The following TMEM35A variants were observed in gnomAD, a reference collection of about 807,000 sequenced individuals.
The protein encoded by TMEM35A is transmembrane protein 35A, also known as nicotinic acetylcholine receptor chaperone.
For missense variants in TMEM35A, 83 were observed against 132.7 expected, an observed-to-expected ratio of 0.63 and a Z score of 1.84; for synonymous variants, 50 against 54.7, an observed-to-expected ratio of 0.91 and a Z score of 0.38.
intron 1 of TMEM35A, among the ~76,000 whole-genome samples, chrX:101,088,711 G>A (rs1183938281): frequency 9.0e-6 from 1 of 111,335 alleles, no homozygotes; most frequent in African/African-American, 3.3e-5. Flanking sequence ...TTCGAGAAGA[G>A]CCTGGCCAAC....
At position 101,094,969 on chromosome X, in the gene TMEM35A, G is replaced by A; in HGVS notation, c.*13G>A. The A allele has an allele frequency of 1.7e-6, 2 of 1,162,906 alleles. No homozygotes were observed. Among genetic ancestry groups the A allele is most frequent in the Non-Finnish European group, 2.3e-6 (2 of 876,280 alleles). On this transcript the variant is annotated 3_prime_UTR_variant, in exon 2 of 2. Transcript: ENST00000372930. Reference sequence around the variant, plus strand: ...GAAGGTGTCATAGAAAAGTGGAAGTGCAAAGAGTGGACCTTCCAGGCAGTT... The same window carrying A: ...GAAGGTGTCATAGAAAAGTGGAAGTACAAAGAGTGGACCTTCCAGGCAGTT...
chrX:101,090,512 T>C lies in TMEM35A; in HGVS notation c.121-4061T>C, dbSNP rs1027591787. On this transcript the variant is annotated intron_variant, in intron 1 of 1. Transcript: ENST00000372930. ...TGTCTGTCATGCATTTTTTTCCCAC[T>C]GTATATACCCTCCCTGGGCATACTA... Among the ~76,000 whole-genome samples the C allele has an allele frequency of 3.7e-5, 4 of 109,464 alleles. No homozygotes were observed. The East Asian group carries it at 1.1e-3, about 31-fold the overall frequency.
chrX:101,088,338 G>A (rs923871445), intron 1 of TMEM35A, among the ~76,000 whole-genome samples: 8 of 112,928 alleles, frequency 7.1e-5, no homozygotes, highest in South Asian at 3.6e-4. Flanking sequence ...CTGGGCAACC[G>A]TGGTGGCTCA....
At position 101,093,389 on chromosome X, in the gene TMEM35A, C is replaced by T. The variant is rs1166708528; in HGVS notation, c.121-1184C>T. ...AGCGCAGTGGCACGATCTTGGCTCA[C>T]TGCAACTTCTGCCTCCTGGGTTCAA... On this transcript the variant is annotated intron_variant, in intron 1 of 1. Transcript: ENST00000372930. Among the ~76,000 whole-genome samples the T allele has an allele frequency of 2.7e-5, 3 of 111,038 alleles. No individual in the cohort carries two copies. In the South Asian group the frequency reaches 1.1e-3, roughly 42 times the overall value.
intron 1 of TMEM35A, among the ~76,000 whole-genome samples, chrX:101,088,069 G>A (rs187547677): frequency 1.3e-4 from 14 of 109,632 alleles, no homozygotes; most frequent in South Asian, 8.0e-4. Flanking sequence ...ATGGTGGTGC[G>A]CGCCTGTAGT....
At chrX:101,083,953 C>T (rs1202534489) in intron 1 of TMEM35A, among the ~76,000 whole-genome samples, 4 of 110,304 alleles carry the variant, frequency 3.6e-5, no homozygotes, top group Non-Finnish European at 5.7e-5. Context: ...GTGGGCATTA[C>T]ATGACAGTGG....
chrX:101,089,804 G>A (rs1482108327), intron 1 of TMEM35A, among the ~76,000 whole-genome samples: 2 of 108,842 alleles, frequency 1.8e-5, no homozygotes, highest in East Asian at 2.9e-4. Context: ...GGGATTTGAC[G>A]CTAAGTCTGT....
At chrX:101,085,385 G>A (rs1419484989) in intron 1 of TMEM35A, among the ~76,000 whole-genome samples, 1 of 111,362 alleles carries the variant, frequency 9.0e-6, no homozygotes, top group South Asian at 3.8e-4. Context: ...CCGATCACCT[G>A]AGGCCAGGAG....
intron 1 of TMEM35A, among the ~76,000 whole-genome samples, chrX:101,088,663 T>C (rs1011525008): frequency 9.0e-6 from 1 of 111,561 alleles, no homozygotes; most frequent in African/African-American, 3.3e-5. Context: ...CCTAACACTT[T>C]GGGAGACCGA....
At position 101,095,204 on chromosome X, in the gene TMEM35A, C is replaced by T; in HGVS notation, c.*248C>T. ...TCTTGCTGCATGTACATGTATACGG[C>T]TACTATTGAAGTGTAATTGTGAGAT... is the stretch of plus-strand genomic sequence containing the variant. On this transcript the variant is annotated 3_prime_UTR_variant, in exon 2 of 2. Coordinates refer to ENST00000372930, the MANE Select transcript of TMEM35A (RefSeq NM_021637.3). 5.7e-6 allele frequency: 2 copies of T among 352,175 alleles called. No homozygotes were observed. The highest frequency in any genetic ancestry group is 9.7e-6 in the Non-Finnish European group (2 of 205,172). 29.0% of individuals were successfully genotyped at this position (352,175 alleles called of 1,213,427 possible). A position where few individuals can be genotyped will look rare whatever the true frequency, so the allele number is the denominator to read the frequency against.
In TMEM35A at chrX:101,094,576, C is replaced by T. The variant is rs1415026274; in HGVS notation, c.124C>T (p.Arg42Cys). The change falls in exon 2 of 2, where the codon CGT (arginine) becomes TGT (cysteine). Residue 42 changes from arginine to cysteine, a missense_variant. Physicochemically the swap from Arg to Cys is radical, Grantham distance 180. Transcript: ENST00000372930. ...CCTTACAATATTCTCACTCTAGAAA[C>T]GTGCTTACAAGAGCTATGTTCGAGC... The part of the protein sequence containing the change: ...LSKDAYSEMK[R>C]AYKSYVRALP... The T allele has an allele frequency of 2.5e-6, 3 of 1,196,647 alleles. No homozygotes were observed. The highest frequency in any genetic ancestry group is 2.3e-4 in the Middle Eastern group (1 of 4,276).
At chrX:101,094,018 T>G in intron 1 of TMEM35A, among the ~76,000 whole-genome samples, 1 of 112,303 alleles carries the variant, frequency 8.9e-6, no homozygotes, top group South Asian at 3.7e-4. Context: ...TTGGGGGTTA[T>G]GATTTCAACA....
chrX:101,079,886 T>C (rs921566026), intron 1 of TMEM35A, among the ~76,000 whole-genome samples: 1 of 112,043 alleles, frequency 8.9e-6, no homozygotes, highest in Non-Finnish European at 1.9e-5. Flanking sequence ...GGTTTTCCCC[T>C]CTGCAGAGTT....
chrX:101,096,309 CCT>C lies in TMEM35A; in HGVS notation c.*1358_*1359del, dbSNP rs1310311846. ...GTGTAATTGTTCTTGGTAATTGATA[CCT>C]CTCTGTTTTATTTCTCTCATTCTTT... On this transcript the variant is annotated 3_prime_UTR_variant, in exon 2 of 2. Coordinates refer to ENST00000372930, the MANE Select transcript of TMEM35A (RefSeq NM_021637.3). 1 of 111,002 alleles carries C rather than the reference CCT, an allele frequency of 9.0e-6. No homozygotes were observed. The highest frequency in any genetic ancestry group is 1.9e-5 in the Non-Finnish European group (1 of 52,984). 9.1% of individuals were successfully genotyped at this position (111,002 alleles called of 1,213,427 possible).
At chrX:101,087,310 C>A (rs1487471985) in intron 1 of TMEM35A, among the ~76,000 whole-genome samples, 2 of 111,888 alleles carry the variant, frequency 1.8e-5, no homozygotes, top group Non-Finnish European at 3.8e-5. Flanking sequence ...TTGATGGCTT[C>A]CTATAATGTC....
At chrX:101,083,671 C>A (rs2089298690) in intron 1 of TMEM35A, among the ~76,000 whole-genome samples, 1 of 111,763 alleles carries the variant, frequency 8.9e-6, no homozygotes, top group Non-Finnish European at 1.9e-5. Context: ...AGACTGCTCT[C>A]TGAGGTGGTA....
chrX:101,094,866 G>A lies in TMEM35A; in HGVS notation c.414G>A (p.Arg138=). The change falls in exon 2 of 2, where the codon CGG becomes CGA. Residue 138 remains arginine, a synonymous_variant. Coordinates refer to ENST00000372930, the MANE Select transcript of TMEM35A (RefSeq NM_021637.3). ...RLLIARKPED[R]SSEKKPLPGN... ...TGATTGCTCGCAAGCCCGAAGACCG[G>A]TCTTCTGAGAAGAAGCCTTTGCCAG... is the stretch of plus-strand genomic sequence containing the variant. 8.3e-7 allele frequency: 1 copy of A among 1,210,444 alleles called. No homozygotes were observed.
At chrX:101,080,424 T>A (rs917716331) in intron 1 of TMEM35A, among the ~76,000 whole-genome samples, 2 of 111,887 alleles carry the variant, frequency 1.8e-5, no homozygotes, top group African/African-American at 6.5e-5. Context: ...CATTTCTTCC[T>A]CACCGCAGGA....
In TMEM35A at chrX:101,095,281, A is replaced by T; in HGVS notation, c.*325A>T. 4.9e-6 allele frequency: 1 copy of T among 204,372 alleles called. No homozygotes were observed. The highest frequency in any genetic ancestry group is 1.6e-3 in the Middle Eastern group (1 of 629). 16.8% of individuals were successfully genotyped at this position (204,372 alleles called of 1,213,427 possible). ...GATTGTGTGTGGGAAAATGTATTTA[A>T]CTACTCTGTGTGTGTGTGTGTGTGT... On this transcript the variant is annotated 3_prime_UTR_variant, in exon 2 of 2. Coordinates refer to ENST00000372930, the MANE Select transcript of TMEM35A (RefSeq NM_021637.3).
Sources: allele counts gnomAD v4.1 joint callset (sites outside exome capture counted in the v4.1 genomes callset), GRCh38; gene constraint gnomAD v4.1.1; transcripts MANE v1.5; gene names NCBI Gene and HGNC (gene_info 2026-07-23, HGNC 2026-07-21).